Variants in TNFSF9 observed in about 807,000 individuals in gnomAD.
TNFSF9 encodes tumor necrosis factor ligand superfamily member 9.
In TNFSF9, 10 loss-of-function variants were observed where a neutral mutation model predicts 10.3. That is an observed-to-expected ratio of 0.97 (90% CI 0.60 to 1.65). The LOEUF (loss-of-function observed/expected upper bound fraction) is 1.65, where lower values mean the gene tolerates loss of function less well. Among genes scored for constraint, TNFSF9 ranks in the 40% most tolerant of loss-of-function variants. The pLI is 0.00. For missense variants in TNFSF9, 361 were observed against 348.9 expected, an observed-to-expected ratio of 1.03 and a Z score of -0.28; for synonymous variants, 195 against 176.1, an observed-to-expected ratio of 1.11 and a Z score of -0.85.
intron 1 of TNFSF9, among the ~76,000 whole-genome samples, chr19:6,532,296 T>TGTGTGTGTGTTC (rs368974339): frequency 0.034 from 4,965 of 145,712 alleles, 113 homozygotes; most frequent in African/African-American, 0.053. Context: ...TGTGTGTGTG[T>TGTGTGTGTGTTC]GTTCGTGTTT....
Position 6,535,263 on chromosome 19 carries a change from A to G in TNFSF9, c.*197A>G, listed in dbSNP as rs1915243212. 3.0e-6 allele frequency: 1 copy of G among 331,834 alleles called. No individual in the cohort carries two copies. 20.6% of individuals were successfully genotyped at this position (331,834 alleles called of 1,614,324 possible). ...GACCTTGATATTTATTCTGAGCCTG[A>G]GCTCAGATAATATATTATATATATT... On this transcript the variant is annotated 3_prime_UTR_variant, in exon 3 of 3. Transcript: ENST00000245817.
chr19:6,531,390 A>C, intron 1 of TNFSF9, 87 bp downstream of exon 1: 1 of 1,368,762 alleles, frequency 7.3e-7, no homozygotes, highest in Admixed American at 3.8e-5. Flanking sequence ...CCGCACCCCC[A>C]GGGACACCTG....
chr19:6,533,993 C>T (rs1419306580), intron 2 of TNFSF9, among the ~76,000 whole-genome samples: 1 of 131,958 alleles, frequency 7.6e-6, no homozygotes, highest in African/African-American at 2.9e-5. Flanking sequence ...TCCTCTAGAA[C>T]TTCCTCCTTT....
At chr19:6,533,475 T>C in intron 2 of TNFSF9, among the ~76,000 whole-genome samples, 1 of 38,862 alleles carries the variant, frequency 2.6e-5, no homozygotes, top group Non-Finnish European at 4.7e-5. Flanking sequence ...ACTTCCCCCT[T>C]TCCCCTCCCC....
At chr19:6,533,069 A>G (rs573780306) in intron 2 of TNFSF9, among the ~76,000 whole-genome samples, 1 of 151,864 alleles carries the variant, frequency 6.6e-6, no homozygotes, top group East Asian at 1.9e-4. Flanking sequence ...CTGCCCTCTC[A>G]GAGCTGGGGC....
rs1214510102 is a variant in TNFSF9 at position 6,532,926 on chromosome 19, C to G, written c.298+110C>G. The G allele has an allele frequency of 2.0e-6, 3 of 1,484,910 alleles. No individual in the cohort carries two copies. In the African/African-American group the frequency reaches 4.2e-5, roughly 21 times the overall value. 92.0% of individuals were successfully genotyped at this position (1,484,910 alleles called of 1,614,324 possible). On this transcript the variant is annotated intron_variant, in intron 2 of 2. Transcript: ENST00000245817. ...GCTCTGCCGCACACTGGCTTTGACC[C>G]TTGACCGCTGCTGTCTCTGAAAGCT...
Position 6,531,060 on chromosome 19 carries a change from A to G in TNFSF9, c.24A>G (p.Ser8=), listed in dbSNP as rs746382850. ...TCATGGAATACGCCTCTGACGCTTC[A>G]CTGGACCCCGAAGCCCCGTGGCCTC... MEYASDA[S]LDPEAPWPPA... is the part of the protein sequence containing the mutation. Residue 8 remains serine, a synonymous_variant, in exon 1 of 3, where the codon TCA becomes TCG. Coordinates refer to ENST00000245817, the MANE Select transcript of TNFSF9 (RefSeq NM_003811.4). 6.2e-7 allele frequency: 1 copy of G among 1,611,122 alleles called. No individual in the cohort carries two copies. Among genetic ancestry groups the G allele is most frequent in the Non-Finnish European group, 8.5e-7 (1 of 1,179,076 alleles).
At chr19:6,532,515 G>A (rs559173009) in intron 1 of TNFSF9, among the ~76,000 whole-genome samples, 1 of 151,066 alleles carries the variant, frequency 6.6e-6, no homozygotes, top group African/African-American at 2.4e-5. Context: ...GTGTGTGTTT[G>A]TGTTTGCGTT....
At chr19:6,533,015 C>T (rs934045415) in intron 2 of TNFSF9, among the ~76,000 whole-genome samples, 199 bp downstream of exon 2, 2 of 152,008 alleles carry the variant, frequency 1.3e-5, no homozygotes, top group Non-Finnish European at 2.9e-5. Context: ...CTCTGGATGC[C>T]ATGGCCTCCC....
At position 6,534,763 on chromosome 19, in the gene TNFSF9, C is replaced by T. The variant is rs780728549; in HGVS notation, c.462C>T (p.Ala154=). 3.8e-6 allele frequency: 6 copies of T among 1,598,650 alleles called. No individual in the cohort carries two copies. Among genetic ancestry groups the T allele is most frequent in the East Asian group, 4.5e-5 (2 of 44,196 alleles). ...FFQLELRRVV[A]GEGSGSVSLA... ...AACTAGAGCTGCGGCGCGTGGTGGC[C>T]GGCGAGGGCTCAGGCTCCGTTTCAC... The change falls in exon 3 of 3, where the codon GCC becomes GCT. Residue 154 remains alanine, a synonymous_variant. Transcript: ENST00000245817.
In TNFSF9 at chr19:6,531,047, C is replaced by A. The variant is rs749879984; in HGVS notation, c.11C>A (p.Ala4Asp). 6.2e-7 allele frequency: 1 copy of A among 1,611,154 alleles called. No homozygotes were observed. Among genetic ancestry groups the A allele is most frequent in the South Asian group, 1.1e-5 (1 of 91,040 alleles). Residue 4 changes from alanine to aspartate, a missense_variant, in exon 1 of 3, where the codon GCC becomes GAC. Physicochemically the swap from Ala to Asp is moderately radical, Grantham distance 126 (BLOSUM62 -2). Coordinates refer to ENST00000245817, the MANE Select transcript of TNFSF9 (RefSeq NM_003811.4). ...CCGCAGTCTCTCGTCATGGAATACG[C>A]CTCTGACGCTTCACTGGACCCCGAA... Reference protein sequence around the residue: MEYASDASLDPEAP... With the variant: MEYDSDASLDPEAP...
At chr19:6,532,908 C>T (rs995580991) in intron 2 of TNFSF9, 92 bp downstream of exon 2, 19 of 1,570,124 alleles carry the variant, frequency 1.2e-5, no homozygotes, top group Middle Eastern at 4.1e-4. Flanking sequence ...GAGGCTCTGC[C>T]GCACACTGGC....
At chr19:6,532,872 T>TACGA (rs1156294639) in intron 2 of TNFSF9, 56 bp downstream of exon 2, 1 of 1,611,420 alleles carries the variant, frequency 6.2e-7, no homozygotes, top group African/African-American at 1.3e-5. Context: ...CACCCCGGGA[T>TACGA]ACGAAGAAGG....
Position 6,531,052 on chromosome 19 carries a change from G to C in TNFSF9, c.16G>C (p.Asp6His), listed in dbSNP as rs752027230. 52 of 1,611,240 alleles carry C rather than the reference G, an allele frequency of 3.2e-5. No homozygotes were observed. In the East Asian group the frequency reaches 1.1e-3, roughly 35 times the overall value. The change falls in exon 1 of 3, where the codon GAC (aspartate) becomes CAC (histidine). Residue 6 changes from aspartate (D) to histidine (H), a missense_variant. Coordinates refer to ENST00000245817, the MANE Select transcript of TNFSF9 (RefSeq NM_003811.4). MEYAS[D>H]ASLDPEAPWP... is the part of the protein sequence containing the mutation. ...GTCTCTCGTCATGGAATACGCCTCT[G>C]ACGCTTCACTGGACCCCGAAGCCCC...
At position 6,534,660 on chromosome 19, in the gene TNFSF9, T is replaced by C; in HGVS notation, c.359T>C (p.Leu120Pro). The change falls in exon 3 of 3, where the codon CTG (leucine) becomes CCG (proline). Residue 120 changes from leucine (L) to proline (P), a missense_variant. Leu to Pro is a moderately conservative substitution (Grantham distance 98). Coordinates refer to ENST00000245817, the MANE Select transcript of TNFSF9 (RefSeq NM_003811.4). Reference sequence around the variant, plus strand: ...GACCCAGGCCTGGCAGGCGTGTCCCTGACGGGGGGCCTGAGCTACAAAGAG... The same window carrying C: ...GACCCAGGCCTGGCAGGCGTGTCCCCGACGGGGGGCCTGAGCTACAAAGAG... ...YSDPGLAGVSLTGGLSYKEDT... is the reference protein window; with the variant it reads ...YSDPGLAGVSPTGGLSYKEDT... 6.3e-7 allele frequency: 1 copy of C among 1,590,222 alleles called. No homozygotes were observed.
In TNFSF9 at chr19:6,534,698, C is replaced by T. The variant is rs370634705; in HGVS notation, c.397C>T (p.Leu133=). ...GAGCTACAAAGAGGACACGAAGGAG[C>T]TGGTGGTGGCCAAGGCTGGAGTCTA... The part of the protein sequence containing the change: ...GLSYKEDTKE[L]VVAKAGVYYV... The change falls in exon 3 of 3, where the codon CTG becomes TTG. Residue 133 remains leucine, a synonymous_variant. Coordinates refer to ENST00000245817, the MANE Select transcript of TNFSF9 (RefSeq NM_003811.4). 25 of 1,594,566 alleles carry T rather than the reference C, an allele frequency of 1.6e-5. No individual in the cohort carries two copies. Among genetic ancestry groups the T allele is most frequent in the Non-Finnish European group, 1.9e-5 (22 of 1,171,174 alleles).
chr19:6,534,370 T>C, intron 2 of TNFSF9, among the ~76,000 whole-genome samples: 1 of 140,236 alleles, frequency 7.1e-6, no homozygotes, highest in Non-Finnish European at 1.5e-5. Flanking sequence ...CTGCTCAGAG[T>C]CCCGCCCCCA....
In TNFSF9 at chr19:6,534,839, G is replaced by T; in HGVS notation, c.538G>T (p.Ala180Ser). Reference protein sequence around the residue: ...LRSAAGAAALALTVDLPPASS... With the variant: ...LRSAAGAAALSLTVDLPPASS... The stretch of plus-strand genomic sequence containing the variant: ...CTCTGCTGCTGGGGCCGCCGCCCTG[G>T]CTTTGACCGTGGACCTGCCACCCGC... The change falls in exon 3 of 3, where the codon GCT (alanine) becomes TCT (serine). Residue 180 changes from alanine to serine, a missense_variant. By Grantham distance (99) the Ala-to-Ser change is moderately conservative (BLOSUM62 1). Transcript: ENST00000245817. 6.2e-7 allele frequency: 1 copy of T among 1,606,676 alleles called. No individual in the cohort carries two copies.
chr19:6,534,057 TTCC>T (rs1165293213), intron 2 of TNFSF9, among the ~76,000 whole-genome samples: 1 of 42,408 alleles, frequency 2.4e-5, no homozygotes, highest in East Asian at 1.8e-3. Flanking sequence ...CCTCTCCCCT[TTCC>T]TTCCTTCTCT....
Sources: gnomAD v4.1 joint callset for allele counts (sites outside exome capture counted in the v4.1 genomes callset) on GRCh38, gnomAD v4.1.1 for gene constraint, MANE v1.5 for transcripts, NCBI Gene and HGNC (gene_info 2026-07-23, HGNC 2026-07-21) for gene names.